The following IREB2 variants were observed in gnomAD, a reference collection of about 807,000 sequenced individuals.
IREB2 encodes the protein iron responsive element binding protein 2, also known as iron-responsive element-binding protein 2.
Under a neutral mutation model 118.8 loss-of-function variants are expected in IREB2, and 39 were observed. The observed-to-expected ratio is 0.33, with a 90% CI of 0.25 to 0.43. The LOEUF (loss-of-function observed/expected upper bound fraction) is 0.43, where lower values mean the gene tolerates loss of function less well. Ranked by LOEUF, IREB2 falls within the 20% of genes least tolerant of loss-of-function variation. The pLI is 1.00. For missense variants in IREB2, 900 were observed against 1,147.3 expected, an observed-to-expected ratio of 0.78 and a Z score of 3.11; for synonymous variants, 372 against 392.2, an observed-to-expected ratio of 0.95 and a Z score of 0.61.
intron 9 of IREB2, among the ~76,000 whole-genome samples, chr15:78,477,165 G>A (rs995315037): frequency 2.0e-5 from 3 of 152,168 alleles, no homozygotes; most frequent in African/African-American, 7.2e-5. Flanking sequence ...AACATTCAAA[G>A]TAGAAATGGT....
intron 11 of IREB2, among the ~76,000 whole-genome samples, chr15:78,484,435 T>G (rs2051625190): frequency 6.6e-6 from 1 of 152,100 alleles, no homozygotes; most frequent in Non-Finnish European, 1.5e-5. Flanking sequence ...AGAAAAAAAT[T>G]TCTGCCATCT....
chr15:78,450,029 C>T (rs2141455832), intron 2 of IREB2, among the ~76,000 whole-genome samples: 1 of 152,212 alleles, frequency 6.6e-6, no homozygotes. Flanking sequence ...TTAGAAGAGG[C>T]AGACGTAATC....
At chr15:78,466,215 G>GCTAA in intron 4 of IREB2, 56 bp from the exon 5 acceptor site, 1 of 1,200,340 alleles carries the variant, frequency 8.3e-7, no homozygotes, top group South Asian at 1.4e-5. Flanking sequence ...TTTTTTAAGA[G>GCTAA]CTAAATTTGT....
At chr15:78,456,428 C>T (rs2051106417) in intron 2 of IREB2, among the ~76,000 whole-genome samples, 1 of 151,824 alleles carries the variant, frequency 6.6e-6, no homozygotes, top group South Asian at 2.1e-4. Context: ...TTTGGGAGGC[C>T]AAGGTGGGAG....
chr15:78,438,677 A>AG, intron 1 of IREB2: 1 of 445,702 alleles, frequency 2.2e-6, no homozygotes. Context: ...CACCAGGGGC[A>AG]GGGAGAGGCC....
intron 5 of IREB2, among the ~76,000 whole-genome samples, chr15:78,467,128 T>A (rs1042417198): frequency 6.7e-6 from 1 of 149,050 alleles, no homozygotes; most frequent in Non-Finnish European, 1.5e-5. Flanking sequence ...GAGAATCTCT[T>A]GAACCCAGGA....
At chr15:78,466,170 C>G (rs913763756) in intron 4 of IREB2, 101 bp from the exon 5 acceptor site, 16 of 657,294 alleles carry the variant, frequency 2.4e-5, no homozygotes, top group African/African-American at 2.2e-4. Flanking sequence ...AAACATCATT[C>G]AGTTACTTCC....
At chr15:78,456,813 T>C (rs1438192588) in intron 2 of IREB2, among the ~76,000 whole-genome samples, 1 of 152,232 alleles carries the variant, frequency 6.6e-6, no homozygotes, top group Non-Finnish European at 1.5e-5. Flanking sequence ...GTCCCCAATT[T>C]CTACTCCCCA....
chr15:78,463,680 G>A (rs1009293150), intron 3 of IREB2, among the ~76,000 whole-genome samples: 1 of 151,990 alleles, frequency 6.6e-6, no homozygotes, highest in Non-Finnish European at 1.5e-5. Flanking sequence ...TTAACATATT[G>A]AAAACTTGAT....
intron 20 of IREB2, 126 bp downstream of exon 20, chr15:78,494,390 G>T (rs536076227): frequency 2.0e-5 from 18 of 915,192 alleles, no homozygotes; most frequent in Non-Finnish European, 2.7e-5. Flanking sequence ...GGTATAGAGG[G>T]TTTTGTTTGT....
chr15:78,463,196 T>A, intron 3 of IREB2, 109 bp downstream of exon 3: 1 of 917,552 alleles, frequency 1.1e-6, no homozygotes, highest in South Asian at 1.9e-5. Flanking sequence ...CCCAGTACTT[T>A]GGGAGGCCAA....
At position 78,494,171 on chromosome 15, in the gene IREB2, C is replaced by T. The variant is rs1286187112; in HGVS notation, c.2502C>T (p.Tyr834=). Residue 834 remains tyrosine, a synonymous_variant, in exon 20 of 22, where the codon TAC becomes TAT. Coordinates refer to ENST00000258886, the MANE Select transcript of IREB2 (RefSeq NM_004136.4). ...TLDVFEAAEL[Y]QKEGIPLIIL... The stretch of plus-strand genomic sequence containing the variant: ...ATGTATTTGAGGCTGCAGAGCTGTA[C>T]CAGAAAGAAGGTATCCCACTGATTA... The T allele has an allele frequency of 6.2e-7, 1 of 1,613,910 alleles. No individual in the cohort carries two copies. The highest frequency in any genetic ancestry group is 8.5e-7 in the Non-Finnish European group (1 of 1,179,888).
chr15:78,461,145 C>T (rs1468593694), intron 2 of IREB2, among the ~76,000 whole-genome samples: 1 of 152,178 alleles, frequency 6.6e-6, no homozygotes, highest in African/African-American at 2.4e-5. Flanking sequence ...GTTCAAGATG[C>T]GTCTTTTCCA....
chr15:78,486,312 CTT>C (rs1172407557), intron 13 of IREB2, among the ~76,000 whole-genome samples: 1 of 152,154 alleles, frequency 6.6e-6, no homozygotes, highest in East Asian at 1.9e-4. Flanking sequence ...GAGAAAGTAA[CTT>C]ATGTTTTTTG....
intron 2 of IREB2, among the ~76,000 whole-genome samples, chr15:78,454,357 G>T (rs1288245487): frequency 6.6e-6 from 1 of 152,170 alleles, no homozygotes; most frequent in Non-Finnish European, 1.5e-5. Context: ...AAAAGAAATT[G>T]ACTACAGATA....
intron 2 of IREB2, among the ~76,000 whole-genome samples, chr15:78,440,255 T>C (rs1330230594): frequency 1.3e-5 from 2 of 152,008 alleles, no homozygotes; most frequent in Non-Finnish European, 2.9e-5. Context: ...CCCCAAGTTT[T>C]GGGATTACAC....
chr15:78,489,936 A>G lies in IREB2; in HGVS notation c.2077-486A>G, dbSNP rs77755020. On this transcript the variant is annotated intron_variant, in intron 16 of 21. Transcript: ENST00000258886. ...TTAACAGCATACCTCATACATGCTT[A>G]ATCTCTCTGTAGCAACATATAGAAA... 8.9e-3 allele frequency among the ~76,000 whole-genome samples: 1,362 copies of G among 152,318 alleles called. 17 individuals carry two copies. The highest frequency in any genetic ancestry group is 0.012 in the Non-Finnish European group (806 of 68,022).
At chr15:78,456,033 T>C (rs1025996275) in intron 2 of IREB2, among the ~76,000 whole-genome samples, 2 of 152,016 alleles carry the variant, frequency 1.3e-5, no homozygotes, top group African/African-American at 4.8e-5. Flanking sequence ...CCGAGTAATC[T>C]AAGAGAGGAA....
At chr15:78,495,417 A>G (rs1420483847) in intron 20 of IREB2, among the ~76,000 whole-genome samples, 1 of 152,100 alleles carries the variant, frequency 6.6e-6, no homozygotes, top group Admixed American at 6.5e-5. Context: ...ACATTAAAAA[A>G]CTGATTACAA....
Sources: allele counts gnomAD v4.1 joint callset (sites outside exome capture counted in the v4.1 genomes callset), GRCh38; gene constraint gnomAD v4.1.1; transcripts MANE v1.5; gene names NCBI Gene and HGNC (gene_info 2026-07-23, HGNC 2026-07-21).